UGT3A2: variants seen among roughly 807,000 people sequenced by gnomAD.
UGT3A2 encodes the protein UDP-glycosyltransferase 3A2.
Under a neutral mutation model 39.8 loss-of-function variants are expected in UGT3A2, and 32 were observed. That is an observed-to-expected ratio of 0.80 (90% CI 0.61 to 1.08). The LOEUF (loss-of-function observed/expected upper bound fraction) is 1.08, where lower values mean the gene tolerates loss of function less well. UGT3A2 is among the 50% of genes least tolerant of loss of function. The pLI is 0.00. For missense variants in UGT3A2, 611 were observed against 637.1 expected, an observed-to-expected ratio of 0.96 and a Z score of 0.44; for synonymous variants, 241 against 230.7, an observed-to-expected ratio of 1.04 and a Z score of -0.40.
In UGT3A2 at chr5:36,040,455, G is replaced by A. The variant is rs1054421775; in HGVS notation, c.844-747C>T. ...CCATTCCTGGTTTTAACATCATACCGAGGAAAAAGGCACTGAGAAGGTAGG... is the reference window on the plus strand; with the variant it reads ...CCATTCCTGGTTTTAACATCATACCAAGGAAAAAGGCACTGAGAAGGTAGG... On this transcript the variant is annotated intron_variant, in intron 4 of 6. Transcript: ENST00000282507. Among the ~76,000 whole-genome samples the A allele has an allele frequency of 1.3e-5, 2 of 152,078 alleles. 1 individual carries two copies. The highest frequency in any genetic ancestry group is 4.1e-4 in the South Asian group (2 of 4,826).
chr5:36,054,982 T>G (rs1030901019), intron 2 of UGT3A2, among the ~76,000 whole-genome samples: 1 of 152,072 alleles, frequency 6.6e-6, no homozygotes, highest in South Asian at 2.1e-4. Context: ...TCCTCATACC[T>G]TTTAGTCCAA....
chr5:36,056,223 C>T (rs564234169), intron 2 of UGT3A2, among the ~76,000 whole-genome samples: 2 of 152,330 alleles, frequency 1.3e-5, no homozygotes, highest in Admixed American at 1.3e-4. Context: ...GGAAATGTAA[C>T]ACTCTGAGAT....
rs759732572 is a variant in UGT3A2, at chr5:36,035,712, C to G, written c.1558G>C (p.Val520Leu). The G allele has an allele frequency of 1.2e-6, 2 of 1,614,126 alleles. No homozygotes were observed. The highest frequency in any genetic ancestry group is 1.7e-5 in the Admixed American group (1 of 60,020). Residue 520 changes from valine (V) to leucine (L), a missense_variant, in exon 7 of 7, where the codon GTG (valine) becomes CTG (leucine). Coordinates refer to ENST00000282507, the MANE Select transcript of UGT3A2 (RefSeq NM_174914.4). ...AVWWLRGARK[V>L]KET The stretch of plus-strand genomic sequence containing the variant: ...TGCACCTGGCCTTATGTCTCCTTCA[C>G]CTTTCTGGCCCCACGCAGCCACCAG...
chr5:36,045,462 G>A (rs529555222), intron 4 of UGT3A2, among the ~76,000 whole-genome samples: 17 of 151,756 alleles, frequency 1.1e-4, no homozygotes, highest in Admixed American at 2.0e-4. Context: ...AAAATTAGGC[G>A]GGTGCCTGTA....
In UGT3A2 at chr5:36,037,942, G is replaced by A; in HGVS notation, c.1150C>T (p.Pro384Ser). ...CCAAAGAGAGGGATCCCCACCATGGGCACACCATGCTGGATGGCCTCCATT... is the reference window on the plus strand; with the variant it reads ...CCAAAGAGAGGGATCCCCACCATGGACACACCATGCTGGATGGCCTCCATT... ...SIMEAIQHGVPMVGIPLFGDQ... is the reference protein window; with the variant it reads ...SIMEAIQHGVSMVGIPLFGDQ... Residue 384 changes from proline (P) to serine (S), a missense_variant, in exon 6 of 7, where the codon CCC becomes TCC. Pro to Ser is a moderately conservative substitution (Grantham distance 74). Coordinates refer to ENST00000282507, the MANE Select transcript of UGT3A2 (RefSeq NM_174914.4). 2 of 1,614,150 alleles carry A rather than the reference G, an allele frequency of 1.2e-6. No individual in the cohort carries two copies. The highest frequency in any genetic ancestry group is 2.7e-5 in the African/African-American group (2 of 75,056).
chr5:36,066,801 C>T lies in UGT3A2; in HGVS notation c.-12G>A. The T allele has an allele frequency of 1.9e-6, 3 of 1,614,128 alleles. No individual in the cohort carries two copies. The highest frequency in any genetic ancestry group is 2.5e-6 in the Non-Finnish European group (3 of 1,179,976). The stretch of plus-strand genomic sequence containing the variant: ...CGCTGCCCAGCCATGCTCACTTCTA[C>T]GGAAGCCGCGGATCTCAGCCTGGGC... On this transcript the variant is annotated 5_prime_UTR_variant, in exon 1 of 7. Transcript: ENST00000282507.
Position 36,049,354 on chromosome 5 carries a change from A to G in UGT3A2, c.378T>C (p.Asn126=). 6.2e-7 allele frequency: 1 copy of G among 1,609,704 alleles called. No homozygotes were observed. The stretch of plus-strand genomic sequence containing the variant: ...TTAAGGAATCCATGATATCCTTTCT[A>G]TTTAAAAAATGACTGCACTGCAACG... ...YLALQCSHFL[N]RKDIMDSLKN... The change falls in exon 4 of 7, where the codon AAT becomes AAC. Residue 126 remains asparagine (N), a synonymous_variant. Transcript: ENST00000282507.
At chr5:36,041,350 C>T (rs552970813) in intron 4 of UGT3A2, among the ~76,000 whole-genome samples, 1 of 152,316 alleles carries the variant, frequency 6.6e-6, no homozygotes, top group Non-Finnish European at 1.5e-5. Context: ...AAGAATTCAG[C>T]ACCTGTTGAC....
chr5:36,061,844 T>G (rs908034711), intron 2 of UGT3A2, among the ~76,000 whole-genome samples: 10 of 152,088 alleles, frequency 6.6e-5, no homozygotes, highest in Middle Eastern at 6.8e-3. Flanking sequence ...TGAACTAGTT[T>G]ACAGTCCCAC....
chr5:36,054,693 A>C (rs1393168965), intron 2 of UGT3A2, among the ~76,000 whole-genome samples: 1 of 151,440 alleles, frequency 6.6e-6, no homozygotes, highest in Non-Finnish European at 1.5e-5. Context: ...AAGAAAGTAA[A>C]AAAAAAAATG....
At chr5:36,047,005 A>G (rs1360589115) in intron 4 of UGT3A2, among the ~76,000 whole-genome samples, 1 of 152,212 alleles carries the variant, frequency 6.6e-6, no homozygotes, top group Non-Finnish European at 1.5e-5. Flanking sequence ...TTCCATTCCT[A>G]AACAAGTGTA....
chr5:36,058,421 G>C (rs1742581484), intron 2 of UGT3A2, among the ~76,000 whole-genome samples: 1 of 152,140 alleles, frequency 6.6e-6, no homozygotes, highest in South Asian at 2.1e-4. Flanking sequence ...ATCAACTCAG[G>C]ATAGCACTGG....
At chr5:36,061,235 A>T (rs1308966000) in intron 2 of UGT3A2, among the ~76,000 whole-genome samples, 3 of 128,890 alleles carry the variant, frequency 2.3e-5, no homozygotes, top group African/African-American at 8.7e-5. Flanking sequence ...TGAAATTTTA[A>T]ATTTTATTAT....
At chr5:36,048,084 G>T (rs1453719662) in intron 4 of UGT3A2, among the ~76,000 whole-genome samples, 2 of 152,130 alleles carry the variant, frequency 1.3e-5, no homozygotes, top group African/African-American at 2.4e-5. Context: ...TGAAATACAT[G>T]GTGGGGGAAG....
intron 6 of UGT3A2, among the ~76,000 whole-genome samples, chr5:36,036,251 A>ATGATGTAAT (rs1375200898): frequency 6.6e-6 from 1 of 152,238 alleles, no homozygotes; most frequent in Admixed American, 6.5e-5. Context: ...AAAATTATAT[A>ATGATGTAAT]TGATGTAATT....
At chr5:36,061,810 C>G (rs914562126) in intron 2 of UGT3A2, among the ~76,000 whole-genome samples, 1 of 152,038 alleles carries the variant, frequency 6.6e-6, no homozygotes, top group Non-Finnish European at 1.5e-5. Context: ...CCTGATGAAT[C>G]GCCACACTGA....
At chr5:36,049,662 C>T (rs557101164) in intron 3 of UGT3A2, among the ~76,000 whole-genome samples, 1 of 152,292 alleles carries the variant, frequency 6.6e-6, no homozygotes, top group South Asian at 2.1e-4. Context: ...TCCCAACCAC[C>T]ATCAATGCCG....
At chr5:36,056,231 G>A (rs907868356) in intron 2 of UGT3A2, among the ~76,000 whole-genome samples, 1 of 152,232 alleles carries the variant, frequency 6.6e-6, no homozygotes, top group African/African-American at 2.4e-5. Flanking sequence ...AACACTCTGA[G>A]ATAGAGAGGT....
At chr5:36,041,802 T>C (rs1351670164) in intron 4 of UGT3A2, among the ~76,000 whole-genome samples, 1 of 152,130 alleles carries the variant, frequency 6.6e-6, no homozygotes, top group Non-Finnish European at 1.5e-5. Context: ...AAGCCCAGAC[T>C]GCAAAGATTA....
Sources: gnomAD v4.1 joint callset for allele counts (sites outside exome capture counted in the v4.1 genomes callset) on GRCh38, gnomAD v4.1.1 for gene constraint, MANE v1.5 for transcripts, NCBI Gene and HGNC (gene_info 2026-07-23, HGNC 2026-07-21) for gene names.